Variants in BICD1 observed in about 807,000 individuals in gnomAD.
BICD1 encodes the protein BICD cargo adaptor 1.
In BICD1, 35 loss-of-function variants were observed where a neutral mutation model predicts 92.5. That is an observed-to-expected ratio of 0.38 (90% confidence interval 0.29 to 0.50). The LOEUF is 0.50. Ranked by LOEUF, BICD1 falls within the 20% of genes least tolerant of loss-of-function variation. The probability of loss-of-function intolerance (pLI) is 0.93; values close to 1 mark genes in which losing one functional copy is unlikely to be tolerated. For synonymous variants in BICD1, 429 were observed against 465.1 expected (o/e 0.92, Z 1.00); for missense variants, 950 against 1,189.8 (o/e 0.80, Z 2.97).
At chr12:32,373,271 G>T (rs1461897110) in intron 9 of BICD1, among the ~76,000 whole-genome samples, 1 of 152,116 alleles carries the variant, frequency 6.6e-6, no homozygotes, top group East Asian at 1.9e-4. Context: ...TGCCTTAAAT[G>T]ATTATAATTT....
chr12:32,206,102 C>T (rs1386546422), intron 1 of BICD1, among the ~76,000 whole-genome samples: 1 of 152,106 alleles, frequency 6.6e-6, no homozygotes, highest in Non-Finnish European at 1.5e-5. Flanking sequence ...GTTTTTTATT[C>T]ACCAATTGAT....
intron 1 of BICD1, among the ~76,000 whole-genome samples, chr12:32,154,364 G>A (rs1249080369): frequency 6.6e-6 from 1 of 152,104 alleles, no homozygotes; most frequent in African/African-American, 2.4e-5. Context: ...AAGAATCACT[G>A]CTCTGGTTTT....
At chr12:32,110,375 AC>A (rs558326495) in intron 1 of BICD1, among the ~76,000 whole-genome samples, 76 of 152,342 alleles carry the variant, frequency 5.0e-4, no homozygotes, top group African/African-American at 1.8e-3. Flanking sequence ...AATTCAGCTC[AC>A]AGAAGAACAC....
intron 1 of BICD1, among the ~76,000 whole-genome samples, chr12:32,124,702 G>A (rs1942267303): frequency 6.6e-6 from 1 of 152,170 alleles, no homozygotes; most frequent in Non-Finnish European, 1.5e-5. Flanking sequence ...ATTTTCCGGG[G>A]AGAGAAGAGG....
chr12:32,145,344 T>C (rs1305954488), intron 1 of BICD1, among the ~76,000 whole-genome samples: 1 of 152,208 alleles, frequency 6.6e-6, no homozygotes, highest in African/African-American at 2.4e-5. Context: ...GTAGGAAGAA[T>C]GAAAGAATTC....
chr12:32,340,156 C>A, intron 8 of BICD1: 1 of 985,206 alleles, frequency 1.0e-6, no homozygotes, highest in Non-Finnish European at 1.2e-6. Flanking sequence ...CTAATACTTT[C>A]CTTATCTGAT....
chr12:32,163,042 A>G (rs1943645376), intron 1 of BICD1, among the ~76,000 whole-genome samples: 1 of 148,096 alleles, frequency 6.8e-6, no homozygotes, highest in African/African-American at 2.4e-5. Context: ...TGGTTTTAAC[A>G]TATTTAGTTG....
chr12:32,314,804 G>A (rs1404391986), intron 4 of BICD1, among the ~76,000 whole-genome samples: 1 of 151,756 alleles, frequency 6.6e-6, no homozygotes, highest in African/African-American at 2.4e-5. Context: ...ATGTTGCCCA[G>A]GCTGGAGTGC....
chr12:32,307,293 C>A (rs1444923560), intron 4 of BICD1, among the ~76,000 whole-genome samples: 1 of 152,172 alleles, frequency 6.6e-6, no homozygotes, highest in Non-Finnish European at 1.5e-5. Flanking sequence ...ATTCTTATTG[C>A]AACATGAGTT....
At chr12:32,303,737 C>G (rs1007549962) in intron 3 of BICD1, among the ~76,000 whole-genome samples, 2 of 152,074 alleles carry the variant, frequency 1.3e-5, no homozygotes, top group Non-Finnish European at 2.9e-5. Context: ...AGCAGAGATT[C>G]CATGAGGAAT....
intron 1 of BICD1, among the ~76,000 whole-genome samples, chr12:32,136,278 A>G (rs1367154087): frequency 6.6e-6 from 1 of 152,238 alleles, no homozygotes; most frequent in East Asian, 1.9e-4. Context: ...GACACTGTAT[A>G]GATGTCATGC....
intron 1 of BICD1, among the ~76,000 whole-genome samples, chr12:32,149,898 G>A (rs10771921): frequency 0.86 from 130,616 of 152,206 alleles, 56,260 homozygotes; most frequent in African/African-American, 0.92. Flanking sequence ...TATCGTATTC[G>A]TTCGTTCTCA....
chr12:32,272,248 C>T (rs1947160372), intron 2 of BICD1, among the ~76,000 whole-genome samples: 1 of 152,226 alleles, frequency 6.6e-6, no homozygotes, highest in East Asian at 1.9e-4. Context: ...TGCAGACAAA[C>T]TGGGGAAGAG....
At position 32,340,297 on chromosome 12, in the gene BICD1, C is replaced by T. The variant is rs1938313360; in HGVS notation, c.2764+1318C>T. The T allele has an allele frequency of 6.1e-6, 6 of 985,152 alleles. No individual in the cohort carries two copies. The South Asian group carries it at 2.4e-4, about 39-fold the overall frequency. The allele number at this position is 985,152 out of a possible 1,614,324, so 61.0% of individuals were successfully genotyped here. A position where few individuals can be genotyped will look rare whatever the true frequency, so the allele number is the denominator to read the frequency against. On this transcript the variant is annotated intron_variant, in intron 8 of 9. Coordinates refer to ENST00000652176, the MANE Select transcript of BICD1 (RefSeq NM_001714.4). Reference sequence around the variant, plus strand: ...GGAATGGTGTAATAGCCAAAATATACACCTAAGAAGAAAAAAAGTAAAAAC... The same window carrying T: ...GGAATGGTGTAATAGCCAAAATATATACCTAAGAAGAAAAAAAGTAAAAAC...
intron 3 of BICD1, among the ~76,000 whole-genome samples, chr12:32,303,828 A>T (rs2136214689): frequency 6.6e-6 from 1 of 152,234 alleles, no homozygotes; most frequent in East Asian, 1.9e-4. Context: ...TAATCCCAGC[A>T]CTTTGGGAGG....
chr12:32,146,054 A>T (rs1031737467), intron 1 of BICD1, among the ~76,000 whole-genome samples: 1 of 152,254 alleles, frequency 6.6e-6, no homozygotes, highest in Non-Finnish European at 1.5e-5. Context: ...TCAAATTTCC[A>T]TATTTATAAT....
intron 1 of BICD1, among the ~76,000 whole-genome samples, chr12:32,133,784 C>CT (rs34183365): frequency 0.41 from 58,027 of 140,050 alleles, 12,232 homozygotes; most frequent in Middle Eastern, 0.59. Context: ...GATGCCAGTT[C>CT]TTTTTTTTTT....
intron 9 of BICD1, among the ~76,000 whole-genome samples, chr12:32,377,043 C>T (rs1260450354): frequency 2.6e-5 from 4 of 152,140 alleles, no homozygotes; most frequent in African/African-American, 4.8e-5. Context: ...CTTGGTCAAC[C>T]TGTCAGTACC....
chr12:32,301,010 G>C (rs1037293351), intron 3 of BICD1, among the ~76,000 whole-genome samples: 5 of 152,136 alleles, frequency 3.3e-5, no homozygotes. Flanking sequence ...ACACACTGCT[G>C]TCTGAAGCAA....
Sources: gnomAD v4.1 joint callset for allele counts (sites outside exome capture counted in the v4.1 genomes callset) on GRCh38, gnomAD v4.1.1 for gene constraint, MANE v1.5 for transcripts, NCBI Gene and HGNC (gene_info 2026-07-23, HGNC 2026-07-21) for gene names.